Variants in SYT9 observed in about 807,000 individuals in gnomAD.
SYT9 encodes synaptotagmin-9.
In SYT9, 22 loss-of-function variants were observed where a neutral mutation model predicts 48.4. The ratio of observed to expected loss-of-function variants is 0.45; its 90% CI spans 0.32 to 0.65. The LOEUF (loss-of-function observed/expected upper bound fraction) is 0.65, where lower values mean the gene tolerates loss of function less well. Ranked by LOEUF, SYT9 falls within the 30% of genes least tolerant of loss-of-function variation. The pLI, the probability that SYT9 is intolerant of heterozygous loss-of-function variation, is 0.03. For synonymous variants in SYT9, 265 were observed against 245.0 expected (o/e 1.08, Z -0.76); for missense variants, 577 against 622.0 (o/e 0.93, Z 0.77).
At chr11:7,268,225 C>T (rs1350598943) in intron 1 of SYT9, among the ~76,000 whole-genome samples, 2 of 151,980 alleles carry the variant, frequency 1.3e-5, no homozygotes, top group African/African-American at 4.8e-5. Flanking sequence ...GTCATCAGCA[C>T]TTCCATTAAC....
chr11:7,297,510 T>C (rs1353221342), intron 1 of SYT9, among the ~76,000 whole-genome samples: 2 of 152,230 alleles, frequency 1.3e-5, no homozygotes, highest in Non-Finnish European at 2.9e-5. Context: ...AAAACATTTC[T>C]TGTTTTGTCA....
chr11:7,435,563 GTATTCCATAACT>G (rs1847687771), intron 6 of SYT9: 1 of 152,198 alleles, frequency 6.6e-6, no homozygotes, highest in Admixed American at 6.5e-5. Context: ...TGAAATAACT[GTATTCCATAACT>G]GGAAATACAG....
chr11:7,312,213 G>A (rs1323061179), intron 2 of SYT9, among the ~76,000 whole-genome samples: 2 of 152,156 alleles, frequency 1.3e-5, no homozygotes, highest in African/African-American at 4.8e-5. Flanking sequence ...AATATCTGTG[G>A]TGACAAGGGA....
chr11:7,428,476 A>G (rs1847507951), intron 6 of SYT9, among the ~76,000 whole-genome samples: 1 of 152,186 alleles, frequency 6.6e-6, no homozygotes, highest in African/African-American at 2.4e-5. Context: ...CTCTGAAAGA[A>G]ACACACTCCC....
At chr11:7,331,508 G>A (rs182317450) in intron 3 of SYT9, among the ~76,000 whole-genome samples, 8 of 152,128 alleles carry the variant, frequency 5.3e-5, no homozygotes, top group Non-Finnish European at 1.0e-4. Context: ...CGAGGAATTT[G>A]AGACTAGCCT....
At chr11:7,239,685 GGT>G (rs1362329201) in intron 1 of SYT9, among the ~76,000 whole-genome samples, 3 of 152,072 alleles carry the variant, frequency 2.0e-5, no homozygotes, top group Non-Finnish European at 4.4e-5. Context: ...GGGTGATGGT[GGT>G]TCGTATTAGG....
chr11:7,351,437 A>T (rs1849912861), intron 3 of SYT9, among the ~76,000 whole-genome samples: 1 of 152,128 alleles, frequency 6.6e-6, no homozygotes, highest in Admixed American at 6.5e-5. Context: ...CCCACTTTTG[A>T]GAGCAGCCGC....
chr11:7,392,782 G>GT (rs1846655808), intron 3 of SYT9, among the ~76,000 whole-genome samples: 1 of 151,956 alleles, frequency 6.6e-6, no homozygotes, highest in Middle Eastern at 3.2e-3. Flanking sequence ...TCTTTCAGTA[G>GT]TTTTTTGTAG....
chr11:7,345,190 G>T (rs1447910924), intron 3 of SYT9, among the ~76,000 whole-genome samples: 2 of 152,136 alleles, frequency 1.3e-5, no homozygotes, highest in African/African-American at 4.8e-5. Flanking sequence ...TTCTAGGGGG[G>T]ATGGCCTCTC....
chr11:7,360,269 T>A (rs945951830), intron 3 of SYT9, among the ~76,000 whole-genome samples: 2 of 152,158 alleles, frequency 1.3e-5, no homozygotes, highest in Non-Finnish European at 2.9e-5. Flanking sequence ...GTAGTATAGT[T>A]TGAAGTCAGG....
chr11:7,267,915 A>G (rs1848219695), intron 1 of SYT9, among the ~76,000 whole-genome samples: 1 of 152,176 alleles, frequency 6.6e-6, no homozygotes, highest in African/African-American at 2.4e-5. Flanking sequence ...TTAATAACAG[A>G]TACAGAAGAC....
At chr11:7,401,384 A>G (rs1846890532) in intron 3 of SYT9, among the ~76,000 whole-genome samples, 2 of 151,388 alleles carry the variant, frequency 1.3e-5, no homozygotes, top group South Asian at 4.1e-4. Context: ...AAATACCTGA[A>G]ATCTGAAGCA....
At position 7,443,548 on chromosome 11, in the gene SYT9, G is replaced by A. The variant is rs190125589; in HGVS notation, c.1467+22913G>A. On this transcript the variant is annotated intron_variant, in intron 6 of 6. Transcript: ENST00000318881. ...GCAGACAAGGCTCCTGGGAGCCAAG[G>A]CCAGTGTCTCCAGCCAGCTCAGCTG... Among the ~76,000 whole-genome samples the A allele has an allele frequency of 3.3e-4, 51 of 152,322 alleles. No individual in the cohort carries two copies. In the East Asian group the frequency reaches 8.7e-3, roughly 26 times the overall value.
chr11:7,247,192 C>A (rs747547735), upstream of SYT9, among the ~76,000 whole-genome samples: 7 of 152,080 alleles, frequency 4.6e-5, no homozygotes, highest in Non-Finnish European at 1.0e-4. Flanking sequence ...GATATTGGTG[C>A]ATCCATCACC....
intron 6 of SYT9, chr11:7,438,994 G>C (rs946579028): frequency 2.0e-5 from 3 of 152,190 alleles, no homozygotes; most frequent in Non-Finnish European, 4.4e-5. Flanking sequence ...AAGCTCTAAA[G>C]GACCCAAAGG....
chr11:7,436,790 T>A (rs1416739563), intron 6 of SYT9, among the ~76,000 whole-genome samples: 1 of 152,218 alleles, frequency 6.6e-6, no homozygotes, highest in Non-Finnish European at 1.5e-5. Flanking sequence ...CAGCTCAACT[T>A]CCTGGTGGAC....
rs941188684 is a variant in SYT9, at chr11:7,351,796, G to T, written c.1044+37855G>T. The stretch of plus-strand genomic sequence containing the variant: ...AGGGCTGGGAAGATTCTATTTTACA[G>T]ACATCACCAGGAGTGTGACACTCAG... On this transcript the variant is annotated intron_variant, in intron 3 of 6. Transcript: ENST00000318881. Among the ~76,000 whole-genome samples the T allele has an allele frequency of 6.6e-5, 10 of 152,274 alleles. No homozygotes were observed. The Middle Eastern group carries it at 0.01, about 155-fold the overall frequency.
chr11:7,462,102 A>G (rs1848247275), intron 6 of SYT9, among the ~76,000 whole-genome samples: 1 of 71,562 alleles, frequency 1.4e-5, no homozygotes, highest in Non-Finnish European at 2.7e-5. Context: ...TAGTGGAGTT[A>G]CCATTCAAAG....
intron 3 of SYT9, among the ~76,000 whole-genome samples, chr11:7,387,240 A>G (rs1396934982): frequency 6.6e-6 from 1 of 152,112 alleles, no homozygotes; most frequent in African/African-American, 2.4e-5. Context: ...GCATACCAAC[A>G]TGGTACAAGT....
Sources: allele counts gnomAD v4.1 joint callset (sites outside exome capture counted in the v4.1 genomes callset), GRCh38; gene constraint gnomAD v4.1.1; transcripts MANE v1.5; gene names NCBI Gene and HGNC (gene_info 2026-07-23, HGNC 2026-07-21).